Variants in FBXO47 observed in about 807,000 individuals in gnomAD.
FBXO47 encodes F-box only protein 47.
FBXO47 carries 34 observed loss-of-function variants against 53.9 expected under a neutral mutation model. That is an observed-to-expected ratio of 0.63 (90% CI 0.48 to 0.84). The LOEUF (loss-of-function observed/expected upper bound fraction) is 0.84. FBXO47 is among the 40% of genes least tolerant of loss of function. The pLI, the probability that FBXO47 is intolerant of heterozygous loss-of-function variation, is 0.00. For missense variants in FBXO47, 485 were observed against 541.3 expected (o/e 0.90, Z 1.03); for synonymous variants, 165 against 181.6 (o/e 0.91, Z 0.73).
chr17:38,939,993 T>G (rs780300592), intron 9 of FBXO47, among the ~76,000 whole-genome samples: 4 of 151,976 alleles, frequency 2.6e-5, no homozygotes, highest in Non-Finnish European at 5.9e-5. Context: ...CATCCTTAAT[T>G]GCCAATCTAA....
At chr17:38,953,125 CCACACACA>C (rs768926649) in intron 5 of FBXO47, among the ~76,000 whole-genome samples, 163 of 117,876 alleles carry the variant, frequency 1.4e-3, no homozygotes, top group Middle Eastern at 4.6e-3. Flanking sequence ...AAAAAAAAAA[CCACACACA>C]CACACACACA....
intron 8 of FBXO47, among the ~76,000 whole-genome samples, chr17:38,943,297 A>C (rs1904594639): frequency 6.6e-6 from 1 of 152,110 alleles, no homozygotes; most frequent in South Asian, 2.1e-4. Context: ...TACAGAACCT[A>C]GGAGGGTGTT....
intron 3 of FBXO47, among the ~76,000 whole-genome samples, chr17:38,959,996 G>A (rs554219395): frequency 6.6e-6 from 1 of 151,332 alleles, no homozygotes; most frequent in African/African-American, 2.4e-5. Flanking sequence ...TGTATAAATG[G>A]GGATCTCCCT....
chr17:38,960,015 C>G (rs1212066898), intron 3 of FBXO47, among the ~76,000 whole-genome samples: 5 of 151,876 alleles, frequency 3.3e-5, no homozygotes, highest in Non-Finnish European at 7.4e-5. Flanking sequence ...CTATGTTACC[C>G]AGGCTGGTCT....
At chr17:38,946,945 C>T (rs187698534) in intron 6 of FBXO47, among the ~76,000 whole-genome samples, 1,109 of 102,628 alleles carry the variant, frequency 0.011, 36 homozygotes, top group African/African-American at 0.045. Context: ...TATATATAAA[C>T]ATATATAAAT....
At position 38,942,767 on chromosome 17, in the gene FBXO47, T is replaced by C; in HGVS notation, c.1083+11A>G. The C allele has an allele frequency of 6.2e-7, 1 of 1,600,704 alleles. No individual in the cohort carries two copies. Among genetic ancestry groups the C allele is most frequent in the South Asian group, 1.1e-5 (1 of 88,402 alleles). On this transcript the variant is annotated intron_variant, in intron 9 of 10. Transcript: ENST00000378079. ...AAAAAACTTGCTAGAGAAAAACTTA[T>C]TTTTACTTACCAAAGCCAAAAAGAC... is the stretch of plus-strand genomic sequence containing the variant.
At chr17:38,943,055 T>C in intron 8 of FBXO47, 135 bp from the exon 9 acceptor site, 1 of 809,520 alleles carries the variant, frequency 1.2e-6, no homozygotes, top group Non-Finnish European at 1.9e-6. Flanking sequence ...AAAAAAATGC[T>C]CTAGTTTTCC....
rs1344502235 is a variant in FBXO47 at position 38,967,318 on chromosome 17, TAGAAA to T, written c.-121_-117del. Reference sequence around the variant, plus strand: ...CACCATCCTCAAATTTCTTAGTGTTTAGAAAAGAAAATATCTCCTCAAGAGCTTCC... The same window carrying T: ...CACCATCCTCAAATTTCTTAGTGTTTAGAAAATATCTCCTCAAGAGCTTCC... On this transcript the variant is annotated 5_prime_UTR_variant, in exon 1 of 11. Coordinates refer to ENST00000378079, the MANE Select transcript of FBXO47 (RefSeq NM_001008777.3). The T allele has an allele frequency of 6.6e-6, 1 of 152,122 alleles. No individual in the cohort carries two copies. Among genetic ancestry groups the T allele is most frequent in the Non-Finnish European group, 1.5e-5 (1 of 68,024 alleles). The allele number at this position is 152,122 out of a possible 1,614,324, so 9.4% of individuals were successfully genotyped here.
rs1175817992 is a variant in FBXO47, at chr17:38,938,243, CAGTT to C, written c.1243+326_1243+329del. Reference sequence around the variant, plus strand: ...TACAAATATATTTTTATGCTAGTGACAGTTGGTAAGTGAGCAAGTTAAATTTTTT... The same window carrying C: ...TACAAATATATTTTTATGCTAGTGACGGTAAGTGAGCAAGTTAAATTTTTT... On this transcript the variant is annotated intron_variant, in intron 10 of 10. Coordinates refer to ENST00000378079, the MANE Select transcript of FBXO47 (RefSeq NM_001008777.3). Among the ~76,000 whole-genome samples the C allele has an allele frequency of 2.0e-5, 3 of 152,124 alleles. No homozygotes were observed. The East Asian group carries it at 5.8e-4, about 29-fold the overall frequency.
chr17:38,953,425 G>A (rs921267607), intron 5 of FBXO47, among the ~76,000 whole-genome samples: 6 of 151,844 alleles, frequency 4.0e-5, no homozygotes, highest in African/African-American at 1.5e-4. Flanking sequence ...AGGAGTTTGA[G>A]ACCAGCCTGA....
At chr17:38,945,633 T>G (rs1904719713) in intron 6 of FBXO47, among the ~76,000 whole-genome samples, 1 of 151,848 alleles carries the variant, frequency 6.6e-6, no homozygotes, top group South Asian at 2.1e-4. Context: ...ACCCTGTCTC[T>G]ACTAAAAATA....
At chr17:38,965,048 C>G (rs1349594071) in intron 1 of FBXO47, among the ~76,000 whole-genome samples, 1 of 152,072 alleles carries the variant, frequency 6.6e-6, no homozygotes, top group Non-Finnish European at 1.5e-5. Context: ...CGGGGTTTCA[C>G]CATGTTGGTC....
At chr17:38,946,372 A>ATATATATAAATATATATATC (rs1567716667) in intron 6 of FBXO47, among the ~76,000 whole-genome samples, 2 of 89,402 alleles carry the variant, frequency 2.2e-5, no homozygotes, top group Admixed American at 1.8e-4. Flanking sequence ...ATATATAGAT[A>ATATATATAAATATATATATC]TATATATAAA....
At chr17:38,963,802 G>GTTTTTTTT (rs377210713) in intron 1 of FBXO47, among the ~76,000 whole-genome samples, 4 of 128,638 alleles carry the variant, frequency 3.1e-5, no homozygotes, top group Non-Finnish European at 4.9e-5. Context: ...TTGTTTTGTT[G>GTTTTTTTT]TTTTTTTTTT....
chr17:38,958,575 C>G (rs913536925), intron 3 of FBXO47, among the ~76,000 whole-genome samples: 4 of 151,898 alleles, frequency 2.6e-5, no homozygotes, highest in African/African-American at 9.7e-5. Context: ...GTTCTATTTT[C>G]CTAAAATGGC....
chr17:38,962,814 T>G (rs761732866), intron 2 of FBXO47, 31 bp downstream of exon 2: 3 of 1,524,084 alleles, frequency 2.0e-6, no homozygotes, highest in Non-Finnish European at 2.7e-6. Context: ...TAGTGTCTTG[T>G]GTAGGCTATT....
chr17:38,966,696 T>A (rs909530821), intron 1 of FBXO47, among the ~76,000 whole-genome samples: 1 of 152,132 alleles, frequency 6.6e-6, no homozygotes. Context: ...AACAAAAATT[T>A]AAAAATGATA....
intron 6 of FBXO47, among the ~76,000 whole-genome samples, chr17:38,946,407 TAG>T (rs1904845990): frequency 6.5e-5 from 6 of 92,740 alleles, no homozygotes; most frequent in Admixed American, 5.3e-4. Context: ...TATAAATATA[TAG>T]ATATATATAT....
At chr17:38,955,383 A>T (rs1567720725) in intron 4 of FBXO47, among the ~76,000 whole-genome samples, 1 of 147,066 alleles carries the variant, frequency 6.8e-6, no homozygotes, top group Non-Finnish European at 1.5e-5. Flanking sequence ...GCAAGATTCC[A>T]TCTCAAAAAA....
Sources: gnomAD v4.1 joint callset for allele counts (sites outside exome capture counted in the v4.1 genomes callset) on GRCh38, gnomAD v4.1.1 for gene constraint, MANE v1.5 for transcripts, NCBI Gene and HGNC (gene_info 2026-07-23, HGNC 2026-07-21) for gene names.